GAB2: variants seen among roughly 807,000 people sequenced by gnomAD.
GAB2 encodes the protein GRB2 associated binding protein 2, also known as GRB2-associated-binding protein 2.
Under a neutral mutation model 65.5 loss-of-function variants are expected in GAB2, and 26 were observed. That is an observed-to-expected ratio of 0.40 (90% CI 0.29 to 0.55). The LOEUF (loss-of-function observed/expected upper bound fraction) is 0.55, where lower values mean the gene tolerates loss of function less well. Among genes scored for constraint, GAB2 ranks in the 20% least tolerant of loss-of-function variants. The pLI is 0.53. For synonymous variants in GAB2, 321 were observed against 329.6 expected (o/e 0.97, Z 0.28); for missense variants, 884 against 875.8 (o/e 1.01, Z -0.12).
At chr11:78,309,879 T>G (rs1235568005) in intron 1 of GAB2, among the ~76,000 whole-genome samples, 1 of 151,520 alleles carries the variant, frequency 6.6e-6, no homozygotes, top group Non-Finnish European at 1.5e-5. Context: ...CTGGTTATAA[T>G]GGCTTTCAAT....
At chr11:78,343,125 AATATCT>A (rs1281370785) in intron 1 of GAB2, among the ~76,000 whole-genome samples, 2 of 152,140 alleles carry the variant, frequency 1.3e-5, no homozygotes, top group Admixed American at 6.5e-5. Context: ...TCAACTTGTC[AATATCT>A]ATATCAAGAG....
At chr11:78,238,441 G>A (rs1865044796) in intron 3 of GAB2, among the ~76,000 whole-genome samples, 1 of 150,654 alleles carries the variant, frequency 6.6e-6, no homozygotes, top group African/African-American at 2.4e-5. Flanking sequence ...GCTGCAGTGA[G>A]CTATGTACTC....
At chr11:78,325,918 C>T (rs537659526) in intron 1 of GAB2, among the ~76,000 whole-genome samples, 3 of 152,262 alleles carry the variant, frequency 2.0e-5, no homozygotes, top group South Asian at 4.1e-4. Flanking sequence ...TCTTTTTAAA[C>T]ATTGTATTTT....
Position 78,280,770 on chromosome 11 carries a change from T to C in GAB2, c.207A>G (p.Val69=). 1.2e-6 allele frequency: 2 copies of C among 1,614,176 alleles called. No individual in the cohort carries two copies. Among genetic ancestry groups the C allele is most frequent in the Non-Finnish European group, 1.7e-6 (2 of 1,179,976 alleles). Residue 69 remains valine, a synonymous_variant, in exon 2 of 10, where the codon GTA becomes GTG. Transcript: ENST00000361507. The stretch of plus-strand genomic sequence containing the variant: ...TCTTGTTAAAGGTCAGGCCTGCATC[T>C]ACCTGCTCACAGAAGTTCAGGTTGA... ...RIINLNFCEQ[V]DAGLTFNKKE... is the part of the protein sequence containing the mutation.
chr11:78,268,519 C>CAATCAT (rs975629212), intron 2 of GAB2, among the ~76,000 whole-genome samples: 18 of 152,094 alleles, frequency 1.2e-4, no homozygotes, highest in African/African-American at 4.3e-4. Context: ...ACCAATTCAA[C>CAATCAT]AATCATTTAT....
intron 1 of GAB2, among the ~76,000 whole-genome samples, chr11:78,360,233 T>G (rs952976178): frequency 3.3e-5 from 5 of 152,148 alleles, no homozygotes; most frequent in Admixed American, 1.3e-4. Context: ...CTCTATTGTC[T>G]TAAGCCAACA....
chr11:78,334,143 A>G (rs1855961065), intron 1 of GAB2, among the ~76,000 whole-genome samples: 1 of 152,206 alleles, frequency 6.6e-6, no homozygotes, highest in Admixed American at 6.5e-5. Context: ...TTGTGGGTAC[A>G]TAGTAGGTAT....
chr11:78,405,854 C>G (rs1464362273), intron 1 of GAB2, among the ~76,000 whole-genome samples: 2 of 152,086 alleles, frequency 1.3e-5, no homozygotes, highest in Admixed American at 1.3e-4. Context: ...AAAAAATTCC[C>G]AAAGAAAGTC....
chr11:78,365,354 T>C (rs1183086327), intron 1 of GAB2, among the ~76,000 whole-genome samples: 1 of 152,182 alleles, frequency 6.6e-6, no homozygotes, highest in African/African-American at 2.4e-5. Context: ...TGACCTTTTC[T>C]TTATCAGAAA....
Position 78,272,099 on chromosome 11 carries a change from CTCTTT to C in GAB2, c.376+8497_376+8501del, listed in dbSNP as rs903592093. ...AACTGTAACTCCATTATGTCTCTCTCTCTTTTATTTTTTGTAAATTGCCCAGTCTT... is the reference window on the plus strand; with the variant it reads ...AACTGTAACTCCATTATGTCTCTCTCTATTTTTTGTAAATTGCCCAGTCTT... On this transcript the variant is annotated intron_variant, in intron 2 of 9. Transcript: ENST00000361507. 3.5e-4 allele frequency among the ~76,000 whole-genome samples: 54 copies of C among 152,216 alleles called. 1 individual carries two copies. Among genetic ancestry groups the C allele is most frequent in the Non-Finnish European group, 1.6e-4 (11 of 68,040 alleles).
rs1446807182 is a variant in GAB2, at chr11:78,417,745, G to A, written c.-25C>T. ...TGCTGCCGGCCTGGAGCCCCCCGCC[G>A]GGTCGCGCGGACGAGGGCGCGGGCT... On this transcript the variant is annotated 5_prime_UTR_variant, in exon 1 of 10. Transcript: ENST00000361507. 1 of 1,220,750 alleles carries A rather than the reference G, an allele frequency of 8.2e-7. No homozygotes were observed. Among genetic ancestry groups the A allele is most frequent in the South Asian group, 2.0e-5 (1 of 49,272 alleles). The allele number at this position is 1,220,750 out of a possible 1,614,324, so 75.6% of individuals were successfully genotyped here.
intron 5 of GAB2, among the ~76,000 whole-genome samples, chr11:78,223,983 G>A (rs1388501206): frequency 6.6e-6 from 1 of 152,164 alleles, no homozygotes; most frequent in Non-Finnish European, 1.5e-5. Flanking sequence ...TCAGGAGGCT[G>A]AGGCACGAGA....
intron 6 of GAB2, 59 bp from the exon 7 acceptor site, chr11:78,222,254 A>C: frequency 9.6e-7 from 1 of 1,045,532 alleles, no homozygotes; most frequent in South Asian, 1.3e-5. Context: ...ACACATACAC[A>C]CCTTATATAT....
At chr11:78,362,500 A>G (rs894994608) in intron 1 of GAB2, among the ~76,000 whole-genome samples, 1 of 152,140 alleles carries the variant, frequency 6.6e-6, no homozygotes, top group Non-Finnish European at 1.5e-5. Flanking sequence ...TAAAAAAAAC[A>G]ACAGAAAATT....
intron 1 of GAB2, among the ~76,000 whole-genome samples, chr11:78,284,874 A>G (rs1442505637): frequency 6.6e-6 from 1 of 152,168 alleles, no homozygotes; most frequent in African/African-American, 2.4e-5. Flanking sequence ...CATAGCTAGT[A>G]ATCAATATAT....
chr11:78,222,536 TTAATA>T (rs1864482229), intron 6 of GAB2, among the ~76,000 whole-genome samples: 1 of 148,184 alleles, frequency 6.7e-6, no homozygotes, highest in Admixed American at 6.8e-5. Context: ...TATTTATATA[TTAATA>T]TATTAATATT....
At chr11:78,377,227 C>G (rs1179247894) in intron 1 of GAB2, among the ~76,000 whole-genome samples, 1 of 152,248 alleles carries the variant, frequency 6.6e-6, no homozygotes, top group African/African-American at 2.4e-5. Context: ...AGACATTTCT[C>G]ACAGTTCTGG....
intron 1 of GAB2, among the ~76,000 whole-genome samples, chr11:78,383,188 C>T (rs1048546387): frequency 5.3e-5 from 8 of 152,148 alleles, no homozygotes; most frequent in African/African-American, 1.7e-4. Flanking sequence ...AGAAGAATCG[C>T]TTGAACCTGG....
chr11:78,397,250 T>C (rs1005344637), intron 1 of GAB2, among the ~76,000 whole-genome samples: 4 of 152,332 alleles, frequency 2.6e-5, no homozygotes, highest in Middle Eastern at 3.4e-3. Flanking sequence ...ACTCTTTTTT[T>C]CGCCAAGGCA....
Sources: gnomAD v4.1 joint callset for allele counts (sites outside exome capture counted in the v4.1 genomes callset) on GRCh38, gnomAD v4.1.1 for gene constraint, MANE v1.5 for transcripts, NCBI Gene and HGNC (gene_info 2026-07-23, HGNC 2026-07-21) for gene names.